DMBT1: variants seen among roughly 807,000 people sequenced by gnomAD.
The protein encoded by DMBT1 is scavenger receptor cysteine-rich domain-containing protein DMBT1.
Under a neutral mutation model 252.9 loss-of-function variants are expected in DMBT1, and 198 were observed. That is an observed-to-expected ratio of 0.78 (90% CI 0.70 to 0.88). DMBT1 has a LOEUF of 0.88. Ranked by LOEUF, DMBT1 falls within the 40% of genes least tolerant of loss-of-function variation. The pLI is 0.00. For missense variants in DMBT1, 2,432 were observed against 2,404.7 expected (o/e 1.01, Z -0.24); for synonymous variants, 990 against 942.7 (o/e 1.05, Z -0.92).
At chr10:122,578,510 C>G (rs554959774) in intron 8 of DMBT1, among the ~76,000 whole-genome samples, 6 of 152,110 alleles carry the variant, frequency 3.9e-5, no homozygotes, top group Non-Finnish European at 8.8e-5. Context: ...ATCCCTCTCT[C>G]AGAGAGAGGT....
chr10:122,632,965 T>A (rs550494936), intron 51 of DMBT1, 75 bp downstream of exon 51: 56 of 1,598,608 alleles, frequency 3.5e-5, no homozygotes, highest in Middle Eastern at 1.7e-4. Flanking sequence ...TCAGTGACAA[T>A]GGGGCTGGGG....
chr10:122,640,147 T>A lies in DMBT1; in HGVS notation c.7050T>A (p.Leu2350=). The change falls in exon 55 of 56, where the codon CTT becomes CTA. Residue 2350 remains leucine (L), a synonymous_variant. Transcript: ENST00000338354. ...DLRIHVSCRM[L]QNTWVDTMYI... Reference sequence around the variant, plus strand: ...GTATTCACGTCAGCTGCAGAATGCTTCAGAACACCTGGGTCGACACCATGT... The same window carrying A: ...GTATTCACGTCAGCTGCAGAATGCTACAGAACACCTGGGTCGACACCATGT... 1 of 1,614,048 alleles carries A rather than the reference T, an allele frequency of 6.2e-7. No homozygotes were observed. The highest frequency in any genetic ancestry group is 8.5e-7 in the Non-Finnish European group (1 of 1,179,896).
chr10:122,599,115 T>G lies in DMBT1; in HGVS notation c.3280+18T>G, dbSNP rs1303934139. 33 of 1,613,824 alleles carry G rather than the reference T, an allele frequency of 2.0e-5. No homozygotes were observed. The highest frequency in any genetic ancestry group is 2.7e-5 in the Non-Finnish European group (32 of 1,179,748). On this transcript the variant is annotated intron_variant, in intron 26 of 55. Coordinates refer to ENST00000338354, the MANE Select transcript of DMBT1 (RefSeq NM_001377530.1). The stretch of plus-strand genomic sequence containing the variant: ...CTGCTCAGGTGGGCCTTCAAGAACT[T>G]GGGATCACTCTCTTGGGGTGGAGTT...
At chr10:122,574,499 C>A (rs1327924857) in intron 6 of DMBT1, among the ~76,000 whole-genome samples, 1 of 152,172 alleles carries the variant, frequency 6.6e-6, no homozygotes, top group Non-Finnish European at 1.5e-5. Context: ...CTCAGGTCGT[C>A]TTCTTTCTTC....
chr10:122,592,198 C>G, intron 19 of DMBT1, 74 bp from the exon 20 acceptor site: 1 of 1,557,504 alleles, frequency 6.4e-7, no homozygotes, highest in Admixed American at 1.7e-5. Context: ...TAGGAAGTAC[C>G]CTGAGTGTGG....
chr10:122,575,906 T>A (rs1324993746), intron 6 of DMBT1, among the ~76,000 whole-genome samples: 2 of 152,136 alleles, frequency 1.3e-5, no homozygotes, highest in African/African-American at 4.8e-5. Context: ...CTCCCCCATC[T>A]CCACAGCTCT....
In DMBT1 at chr10:122,618,205, G is replaced by A. The variant is rs560035067; in HGVS notation, c.5080G>A (p.Gly1694Ser). 3 of 1,613,846 alleles carry A rather than the reference G, an allele frequency of 1.9e-6. No individual in the cohort carries two copies. The Admixed American group carries it at 5.0e-5, about 27-fold the overall frequency. The change falls in exon 41 of 56, where the codon GGC becomes AGC. Residue 1694 changes from glycine to serine, a missense_variant. Transcript: ENST00000338354. ...AMSAPGNAQF[G>S]QGSGPIVLDD... is the part of the protein sequence containing the mutation. ...GTCAGCCCCAGGAAATGCCCAGTTT[G>A]GCCAGGGCTCAGGACCCATTGTCCT...
intron 41 of DMBT1, among the ~76,000 whole-genome samples, chr10:122,618,962 G>A (rs956765664): frequency 1.3e-4 from 20 of 152,342 alleles, no homozygotes; most frequent in African/African-American, 3.4e-4. Flanking sequence ...GCCTGTGGTC[G>A]GGGCTGTAAG....
Position 122,630,361 on chromosome 10 carries a change from C to G in DMBT1, c.5896C>G (p.Leu1966Val). ...FDGSLNSSLLLGKICNDTRQI... is the reference protein window; with the variant it reads ...FDGSLNSSLLVGKICNDTRQI... ...TGGATCATTGAATAGCAGTCTCCTGCTGGGGAAAATCTGTAATGATACCAG... is the reference window on the plus strand; with the variant it reads ...TGGATCATTGAATAGCAGTCTCCTGGTGGGGAAAATCTGTAATGATACCAG... The change falls in exon 48 of 56, where the codon CTG becomes GTG. Residue 1966 changes from leucine (L) to valine (V), a missense_variant. Leu to Val is a conservative substitution (Grantham distance 32, BLOSUM62 1). Transcript: ENST00000338354. The G allele has an allele frequency of 6.2e-7, 1 of 1,613,972 alleles. No homozygotes were observed. The highest frequency in any genetic ancestry group is 8.5e-7 in the Non-Finnish European group (1 of 1,179,870).
intron 1 of DMBT1, among the ~76,000 whole-genome samples, chr10:122,562,434 G>A (rs2133493875): frequency 6.6e-6 from 1 of 152,308 alleles, no homozygotes; most frequent in South Asian, 2.1e-4. Context: ...TGATGAGTGT[G>A]TGGAGGGACT....
chr10:122,632,833 G>T, intron 50 of DMBT1, 28 bp from the exon 51 acceptor site: 3 of 1,612,680 alleles, frequency 1.9e-6, no homozygotes, highest in Non-Finnish European at 2.5e-6. Flanking sequence ...CCAGAAAACT[G>T]ATCCTGATCT....
At chr10:122,568,014 A>G (rs2097615757) in intron 2 of DMBT1, among the ~76,000 whole-genome samples, 2 of 152,184 alleles carry the variant, frequency 1.3e-5, no homozygotes, top group African/African-American at 2.4e-5. Context: ...ATGAATGTGG[A>G]TGGACTAGAG....
intron 46 of DMBT1, 80 bp downstream of exon 46, chr10:122,626,045 T>C (rs1055256739): frequency 8.4e-7 from 1 of 1,184,006 alleles, no homozygotes; most frequent in Non-Finnish European, 1.3e-6. Context: ...GCGAATGCTC[T>C]GCCCCACCCC....
intron 7 of DMBT1, 113 bp from the exon 8 acceptor site, chr10:122,577,698 G>A: frequency 8.0e-7 from 1 of 1,246,152 alleles, no homozygotes; most frequent in Non-Finnish European, 1.1e-6. Flanking sequence ...CCCACTTGGT[G>A]GGCGTGTGAT....
intron 52 of DMBT1, 144 bp from the exon 53 acceptor site, chr10:122,635,847 C>T (rs377498829): frequency 2.6e-5 from 21 of 820,516 alleles, no homozygotes; most frequent in African/African-American, 2.4e-4. Flanking sequence ...TGAGCTACTG[C>T]GCCCAGCCAA....
At chr10:122,631,919 C>G in intron 50 of DMBT1, 44 bp downstream of exon 50, 1 of 1,597,898 alleles carries the variant, frequency 6.3e-7, no homozygotes, top group Non-Finnish European at 8.6e-7. Context: ...GTCTCCAGGT[C>G]TCTCCATTAC....
At chr10:122,622,574 C>A (rs944022698) in intron 44 of DMBT1, among the ~76,000 whole-genome samples, 6 of 152,166 alleles carry the variant, frequency 3.9e-5, no homozygotes, top group African/African-American at 7.2e-5. Context: ...TGGGCAGCCC[C>A]AAGTCTATAT....
At chr10:122,598,152 T>C in intron 25 of DMBT1, 140 bp downstream of exon 25, 1 of 1,295,638 alleles carries the variant, frequency 7.7e-7, no homozygotes, top group Non-Finnish European at 1.1e-6. Context: ...GAAGGTAGCG[T>C]CTCTGGGGAC....
chr10:122,624,930 A>G (rs2098105903), intron 44 of DMBT1, among the ~76,000 whole-genome samples: 1 of 152,206 alleles, frequency 6.6e-6, no homozygotes, highest in Non-Finnish European at 1.5e-5. Flanking sequence ...GCCTCTTCCC[A>G]GCCTGAGCTT....
Sources: allele counts gnomAD v4.1 joint callset (sites outside exome capture counted in the v4.1 genomes callset), GRCh38; gene constraint gnomAD v4.1.1; transcripts MANE v1.5; gene names NCBI Gene and HGNC (gene_info 2026-07-23, HGNC 2026-07-21).